The following KIAA1958 variants were observed in gnomAD, a reference collection of about 807,000 sequenced individuals.
KIAA1958 encodes KIAA1958.
KIAA1958 carries 14 observed loss-of-function variants against 47.2 expected under a neutral mutation model. The observed-to-expected ratio is 0.30, with a 90% confidence interval of 0.20 to 0.46. KIAA1958 has a LOEUF of 0.46. Among genes scored for constraint, KIAA1958 ranks in the 20% least tolerant of loss-of-function variants. The probability of loss-of-function intolerance (pLI) is 1.00; values close to 1 mark genes in which losing one functional copy is unlikely to be tolerated. For synonymous variants in KIAA1958, 354 were observed against 353.3 expected, an observed-to-expected ratio of 1.00 and a Z score of -0.02; for missense variants, 803 against 909.2, an observed-to-expected ratio of 0.88 and a Z score of 1.50.
chr9:112,551,041 T>G lies in KIAA1958; in HGVS notation c.-24-23016T>G, dbSNP rs543075108. Among the ~76,000 whole-genome samples, 88 of 152,130 alleles carry G rather than the reference T, an allele frequency of 5.8e-4. 1 individual carries two copies. Among genetic ancestry groups the G allele is most frequent in the African/African-American group, 2.1e-3 (88 of 41,562 alleles). On this transcript the variant is annotated intron_variant, in intron 1 of 3. Transcript: ENST00000337530. ...TAACACTTTACTGCATAGTTGTTTT[T>G]TTTTTTTTTTTAAGTTAGGGAGGTT... is the stretch of plus-strand genomic sequence containing the variant.
chr9:112,587,511 T>C (rs541562031), intron 2 of KIAA1958, among the ~76,000 whole-genome samples: 3 of 152,338 alleles, frequency 2.0e-5, no homozygotes, highest in African/African-American at 7.2e-5. Flanking sequence ...TCAAGGCTAT[T>C]TTATGCTTGC....
At chr9:112,611,771 A>C (rs2806317) in intron 2 of KIAA1958, among the ~76,000 whole-genome samples, 145,223 of 152,026 alleles carry the variant, frequency 0.96, 69,434 homozygotes, top group African/African-American at 0.99. Flanking sequence ...TTTAAAATAT[A>C]CTGGAATGTT....
At chr9:112,538,024 AT>A (rs372657273) in intron 1 of KIAA1958, among the ~76,000 whole-genome samples, 2 of 152,194 alleles carry the variant, frequency 1.3e-5, no homozygotes, top group African/African-American at 4.8e-5. Context: ...AGCAGACTGA[AT>A]TTTGCCATTA....
chr9:112,517,754 C>G (rs1206903427), intron 1 of KIAA1958, among the ~76,000 whole-genome samples: 3 of 151,886 alleles, frequency 2.0e-5, no homozygotes, highest in Non-Finnish European at 2.9e-5. Flanking sequence ...AAGCAAGGAG[C>G]CAAGATAAAA....
At chr9:112,602,439 T>C (rs1282818129) in intron 2 of KIAA1958, among the ~76,000 whole-genome samples, 1 of 152,170 alleles carries the variant, frequency 6.6e-6, no homozygotes, top group East Asian at 1.9e-4. Flanking sequence ...TTGATTTCTT[T>C]CAGATGAATG....
chr9:112,635,967 A>G (rs927889345), intron 2 of KIAA1958, among the ~76,000 whole-genome samples: 14 of 151,602 alleles, frequency 9.2e-5, no homozygotes, highest in South Asian at 6.2e-4. Flanking sequence ...TTTGTAGCCT[A>G]TGCACTAAAT....
At chr9:112,487,870 T>A (rs1001310491) in intron 1 of KIAA1958, among the ~76,000 whole-genome samples, 1 of 151,962 alleles carries the variant, frequency 6.6e-6, no homozygotes, top group Admixed American at 6.6e-5. Context: ...TTTTTTTCTT[T>A]AAGGTTTTAG....
At chr9:112,611,116 A>G (rs1836320292) in intron 2 of KIAA1958, among the ~76,000 whole-genome samples, 1 of 152,126 alleles carries the variant, frequency 6.6e-6, no homozygotes, top group Non-Finnish European at 1.5e-5. Context: ...ATTTAACCCC[A>G]AGGTTATCAT....
chr9:112,602,153 T>G (rs1836145087), intron 2 of KIAA1958, among the ~76,000 whole-genome samples: 1 of 152,204 alleles, frequency 6.6e-6, no homozygotes, highest in Non-Finnish European at 1.5e-5. Flanking sequence ...GACTTTTTAA[T>G]TTTATTTTAT....
chr9:112,607,248 T>C (rs1836250759), intron 2 of KIAA1958, among the ~76,000 whole-genome samples: 2 of 151,756 alleles, frequency 1.3e-5, no homozygotes, highest in Admixed American at 6.6e-5. Context: ...TCCCAGCCAC[T>C]CAGGAGGCTG....
chr9:112,628,769 A>G (rs1431356784), intron 2 of KIAA1958, among the ~76,000 whole-genome samples: 1 of 152,136 alleles, frequency 6.6e-6, no homozygotes, highest in Non-Finnish European at 1.5e-5. Flanking sequence ...TTAAATCAAA[A>G]AAATATATAT....
chr9:112,648,088 G>A (rs1352686973), intron 3 of KIAA1958, among the ~76,000 whole-genome samples: 3 of 152,184 alleles, frequency 2.0e-5, no homozygotes, highest in Non-Finnish European at 4.4e-5. Context: ...AGTTTGCAGA[G>A]CCAGATTTAC....
chr9:112,642,852 A>G (rs1836915819), intron 2 of KIAA1958, among the ~76,000 whole-genome samples: 1 of 152,226 alleles, frequency 6.6e-6, no homozygotes, highest in African/African-American at 2.4e-5. Flanking sequence ...TCATGAACGA[A>G]CCATATATGT....
chr9:112,595,744 C>T (rs1836014308), intron 2 of KIAA1958, among the ~76,000 whole-genome samples: 1 of 150,208 alleles, frequency 6.7e-6, no homozygotes, highest in South Asian at 2.1e-4. Context: ...AGCACTTATA[C>T]ATAGTGTAAA....
chr9:112,510,590 T>C (rs1834310680), intron 1 of KIAA1958, among the ~76,000 whole-genome samples: 1 of 152,228 alleles, frequency 6.6e-6, no homozygotes, highest in Admixed American at 6.5e-5. Context: ...GGGTTACATA[T>C]ACTGTCTCTT....
chr9:112,620,257 A>G (rs1219746897), intron 2 of KIAA1958, among the ~76,000 whole-genome samples: 2 of 152,214 alleles, frequency 1.3e-5, no homozygotes, highest in Non-Finnish European at 2.9e-5. Flanking sequence ...CTAGGTTCCT[A>G]TTCTGTATAA....
chr9:112,488,130 GCTTTCC>G (rs1352579525), intron 1 of KIAA1958, among the ~76,000 whole-genome samples: 1 of 152,126 alleles, frequency 6.6e-6, no homozygotes, highest in Non-Finnish European at 1.5e-5. Context: ...CAATGATCTA[GCTTTCC>G]CTTCAGGCTG....
intron 1 of KIAA1958, among the ~76,000 whole-genome samples, chr9:112,520,859 T>C (rs1238807255): frequency 3.3e-5 from 5 of 152,214 alleles, no homozygotes; most frequent in Admixed American, 6.5e-5. Flanking sequence ...TTTCAACATA[T>C]GAAACATATC....
intron 2 of KIAA1958, among the ~76,000 whole-genome samples, chr9:112,630,361 G>T (rs796843947): frequency 1.1e-4 from 16 of 152,268 alleles, no homozygotes; most frequent in African/African-American, 3.4e-4. Flanking sequence ...ATACTAAGCT[G>T]CGGCCGGGCA....
Sources: allele counts gnomAD v4.1 joint callset (sites outside exome capture counted in the v4.1 genomes callset), GRCh38; gene constraint gnomAD v4.1.1; transcripts MANE v1.5; gene names NCBI Gene and HGNC (gene_info 2026-07-23, HGNC 2026-07-21).